Variants in DNAH7 observed in about 807,000 individuals in gnomAD.
DNAH7 encodes dynein axonemal heavy chain 7, also known as axonemal beta dynein heavy chain 7.
DNAH7 carries 397 observed loss-of-function variants against 444.6 expected under a neutral mutation model. That is an observed-to-expected ratio of 0.89 (90% CI 0.82 to 0.97). The LOEUF is 0.97. DNAH7 is among the 50% of genes least tolerant of loss of function. The probability of loss-of-function intolerance (pLI) is 0.00; values close to 1 mark genes in which losing one functional copy is unlikely to be tolerated. For missense variants in DNAH7, 4,902 were observed against 4,800.8 expected (o/e 1.02, Z -0.62); for synonymous variants, 1,636 against 1,624.4 (o/e 1.01, Z -0.17).
At chr2:195,857,325 C>T in intron 44 of DNAH7, 52 bp downstream of exon 44, 3 of 1,407,266 alleles carry the variant, frequency 2.1e-6, no homozygotes, top group Non-Finnish European at 2.9e-6. Flanking sequence ...TTCTAACTGA[C>T]CAGAAGTGAA....
At chr2:195,951,867 G>A (rs540466829) in intron 19 of DNAH7, among the ~76,000 whole-genome samples, 1 of 152,126 alleles carries the variant, frequency 6.6e-6, no homozygotes, top group South Asian at 2.1e-4. Flanking sequence ...ACACCGATGG[G>A]GCTTGACTCT....
Position 195,886,280 on chromosome 2 carries a change from G to C in DNAH7, c.5407-8C>G. On this transcript the variant is annotated splice_region_variant and splice_polypyrimidine_tract_variant and intron_variant, in intron 33 of 64. Coordinates refer to ENST00000312428, the MANE Select transcript of DNAH7 (RefSeq NM_018897.3). ...GGAAGTAGGAGATAATTCCTGAAAAGTCAGTAAGAAAAATGACTAAACAAT... is the reference window on the plus strand; with the variant it reads ...GGAAGTAGGAGATAATTCCTGAAAACTCAGTAAGAAAAATGACTAAACAAT... 1.2e-6 allele frequency: 2 copies of C among 1,607,698 alleles called. No individual in the cohort carries two copies. Among genetic ancestry groups the C allele is most frequent in the East Asian group, 4.5e-5 (2 of 44,678 alleles).
At chr2:195,962,550 A>G (rs1026003515) in intron 17 of DNAH7, among the ~76,000 whole-genome samples, 1 of 152,126 alleles carries the variant, frequency 6.6e-6, no homozygotes, top group Non-Finnish European at 1.5e-5. Flanking sequence ...GGGTTTCACC[A>G]TGTTGCTCAG....
chr2:196,012,648 A>T, intron 10 of DNAH7, 139 bp downstream of exon 10: 1 of 866,204 alleles, frequency 1.2e-6, no homozygotes, highest in Non-Finnish European at 1.7e-6. Flanking sequence ...AGACTAAGAT[A>T]ATTAAAGATA....
chr2:195,826,727 T>C (rs1322650988), intron 48 of DNAH7, among the ~76,000 whole-genome samples: 1 of 152,184 alleles, frequency 6.6e-6, no homozygotes, highest in Non-Finnish European at 1.5e-5. Flanking sequence ...GTGACAACCG[T>C]CAGAAAACCC....
Position 195,774,132 on chromosome 2 carries a change from G to A in DNAH7, c.11202+1714C>T, listed in dbSNP as rs111589176. Among the ~76,000 whole-genome samples the A allele has an allele frequency of 1.8e-3, 278 of 152,306 alleles. 1 individual carries two copies. Among genetic ancestry groups the A allele is most frequent in the African/African-American group, 6.6e-3 (273 of 41,564 alleles). ...TTTAAACTTATTTGTCTGGTTCAGA[G>A]TCATTTTCTGTTGGAATGACCCCAC... is the stretch of plus-strand genomic sequence containing the variant. On this transcript the variant is annotated intron_variant, in intron 60 of 64. Coordinates refer to ENST00000312428, the MANE Select transcript of DNAH7 (RefSeq NM_018897.3).
At position 196,058,124 on chromosome 2, in the gene DNAH7, A is replaced by G; in HGVS notation, c.16-8T>C. On this transcript the variant is annotated splice_region_variant and splice_polypyrimidine_tract_variant and intron_variant, in intron 1 of 64. Transcript: ENST00000312428. ...TTTGCTGGCCGATTTATCCTGTATG[A>G]AAAACATGAAAAAACAAAACTGTTT... 1 of 1,565,932 alleles carries G rather than the reference A, an allele frequency of 6.4e-7. No homozygotes were observed. The highest frequency in any genetic ancestry group is 1.7e-4 in the Middle Eastern group (1 of 5,856).
chr2:195,910,252 C>A (rs1219676584), intron 24 of DNAH7, 57 bp from the exon 25 acceptor site: 1 of 1,381,996 alleles, frequency 7.2e-7, no homozygotes, highest in Non-Finnish European at 9.5e-7. Flanking sequence ...TTTCCATTCA[C>A]ATGCCAAGAA....
At position 195,876,682 on chromosome 2, in the gene DNAH7, T is replaced by C. The variant is rs757979848; in HGVS notation, c.5979A>G (p.Gln1993=). ...SVYITNFLLN[Q]LNKEIYKPLL... Reference sequence around the variant, plus strand: ...GAGGTTTGTAGATTTCCTTATTTAGTTGATTTAAAAGAAAATTCTATATAA... The same window carrying C: ...GAGGTTTGTAGATTTCCTTATTTAGCTGATTTAAAAGAAAATTCTATATAA... The change falls in exon 37 of 65, where the codon CAA becomes CAG. Residue 1993 remains glutamine, a synonymous_variant. Coordinates refer to ENST00000312428, the MANE Select transcript of DNAH7 (RefSeq NM_018897.3). 1.3e-6 allele frequency: 2 copies of C among 1,595,450 alleles called. No individual in the cohort carries two copies. Among genetic ancestry groups the C allele is most frequent in the Non-Finnish European group, 1.7e-6 (2 of 1,167,624 alleles).
chr2:195,835,299 A>C (rs549842880), intron 47 of DNAH7, among the ~76,000 whole-genome samples: 15 of 151,934 alleles, frequency 9.9e-5, no homozygotes, highest in South Asian at 8.3e-4. Flanking sequence ...GTAAAAAAAA[A>C]CCCACAAAAA....
chr2:195,995,305 G>GTT (rs1314167209), intron 12 of DNAH7: 1 of 489,222 alleles, frequency 2.0e-6, no homozygotes, highest in Non-Finnish European at 4.0e-6. Context: ...ACTTTTAGCA[G>GTT]TTTTTCTGCC....
intron 40 of DNAH7, among the ~76,000 whole-genome samples, chr2:195,869,830 C>T (rs1257586458): frequency 6.6e-6 from 1 of 152,074 alleles, no homozygotes; most frequent in African/African-American, 2.4e-5. Flanking sequence ...AAGTAGGGTG[C>T]TAATACAAGG....
rs140976714 is a variant in DNAH7, at chr2:195,990,775, T to TTGTGTGTGTG, written c.1354-2556_1354-2547dup. Among the ~76,000 whole-genome samples, 1,005 of 132,922 alleles carry TTGTGTGTGTG rather than the reference T, an allele frequency of 7.6e-3. 22 individuals carry two copies. Among genetic ancestry groups the TTGTGTGTGTG allele is most frequent in the African/African-American group, 0.027 (947 of 34,682 alleles). 87.2% of individuals were successfully genotyped at this position (132,922 alleles called of 152,430 possible). A position where few individuals can be genotyped will look rare whatever the true frequency, so the allele number is the denominator to read the frequency against. ...TGATGTTTAGGTTACTATAGCTTTG[T>TTGTGTGTGTG]TGTGTGTGTGTGTGTGTGTGTGTGT... On this transcript the variant is annotated intron_variant, in intron 12 of 64. Coordinates refer to ENST00000312428, the MANE Select transcript of DNAH7 (RefSeq NM_018897.3).
chr2:195,744,126 A>G (rs1693224725), intron 63 of DNAH7, among the ~76,000 whole-genome samples: 1 of 152,248 alleles, frequency 6.6e-6, no homozygotes, highest in Admixed American at 6.5e-5. Context: ...AAGGGGTGAC[A>G]GACACCACCT....
chr2:196,021,420 T>C (rs1258540115), intron 8 of DNAH7, among the ~76,000 whole-genome samples: 3 of 152,154 alleles, frequency 2.0e-5, no homozygotes, highest in Middle Eastern at 3.2e-3. Context: ...AAGGCAAATA[T>C]TGCAATTAAG....
chr2:195,810,303 T>C (rs887977202), intron 51 of DNAH7, among the ~76,000 whole-genome samples: 5 of 152,228 alleles, frequency 3.3e-5, no homozygotes, highest in African/African-American at 1.2e-4. Context: ...TGCTACTCAT[T>C]ATAAATTCAT....
At chr2:196,022,127 G>A (rs908686802) in intron 8 of DNAH7, among the ~76,000 whole-genome samples, 2 of 151,502 alleles carry the variant, frequency 1.3e-5, no homozygotes, top group Non-Finnish European at 2.9e-5. Flanking sequence ...ACCCTGTCTC[G>A]GGAAAAAAAA....
chr2:195,888,551 T>C (rs1330179803), intron 32 of DNAH7, 117 bp from the exon 33 acceptor site: 17 of 1,113,408 alleles, frequency 1.5e-5, no homozygotes, highest in Middle Eastern at 2.2e-4. Flanking sequence ...AAGCTTAATA[T>C]TATATAATTT....
chr2:195,800,863 A>G (rs2106005185), intron 54 of DNAH7, among the ~76,000 whole-genome samples: 1 of 152,350 alleles, frequency 6.6e-6, no homozygotes, highest in East Asian at 1.9e-4. Context: ...GGAGAAAATA[A>G]TGTGGGAGAG....
Sources: gnomAD v4.1 joint callset for allele counts (sites outside exome capture counted in the v4.1 genomes callset) on GRCh38, gnomAD v4.1.1 for gene constraint, MANE v1.5 for transcripts, NCBI Gene and HGNC (gene_info 2026-07-23, HGNC 2026-07-21) for gene names.